Variants in CCDC192 observed in about 807,000 individuals in gnomAD.
The protein encoded by CCDC192 is coiled-coil domain containing 192, also known as coiled-coil domain-containing protein 192.
chr5:127,797,829 C>T (rs113850077), intron 4 of CCDC192, among the ~76,000 whole-genome samples: 3,123 of 144,158 alleles, frequency 0.022, 122 homozygotes, highest in African/African-American at 0.076. Context: ...GATATAGGGG[C>T]ATTTGCATTA....
intron 4 of CCDC192, among the ~76,000 whole-genome samples, chr5:127,797,845 A>G (rs533448595): frequency 4.0e-5 from 6 of 149,364 alleles, no homozygotes; most frequent in African/African-American, 1.2e-4. Context: ...CATTAACCGT[A>G]GCACATCAAG....
At chr5:127,738,085 T>A (rs1027696245) in intron 2 of CCDC192, among the ~76,000 whole-genome samples, 1 of 152,112 alleles carries the variant, frequency 6.6e-6, no homozygotes, top group Non-Finnish European at 1.5e-5. Context: ...TTCCTTTCCA[T>A]GTTTAGTGCT....
At position 127,912,419 on chromosome 5, in the gene CCDC192, CAAAA is replaced by C. The variant is rs60854127; in HGVS notation, c.536-28745_536-28742del. Among the ~76,000 whole-genome samples, 75 of 81,450 alleles carry C rather than the reference CAAAA, an allele frequency of 9.2e-4. 1 individual carries two copies. The highest frequency in any genetic ancestry group is 3.6e-3 in the African/African-American group (71 of 19,812). 53.4% of individuals were successfully genotyped at this position (81,450 alleles called of 152,430 possible). ...AGTGAGAATAGATTCCTGGGTTTAG[CAAAA>C]AAAAAAAAAAAAAAAAATGAAGCTG... is the stretch of plus-strand genomic sequence containing the variant. On this transcript the variant is annotated intron_variant, in intron 6 of 6. Coordinates refer to ENST00000514853, the MANE Select transcript of CCDC192 (RefSeq NM_001317938.2).
intron 6 of CCDC192, among the ~76,000 whole-genome samples, chr5:127,933,701 A>G (rs992866695): frequency 2.6e-5 from 4 of 152,154 alleles, no homozygotes; most frequent in African/African-American, 9.7e-5. Flanking sequence ...CAAAATATGT[A>G]TGTTGACATC....
chr5:127,818,023 A>G lies in CCDC192; in HGVS notation c.411+19861A>G, dbSNP rs185323706. ...AGAAAATATCCGTAAAAATAGTACA[A>G]ATTACTATCAGAAGAGTCTTCAGAA... On this transcript the variant is annotated intron_variant, in intron 5 of 6. Coordinates refer to ENST00000514853, the MANE Select transcript of CCDC192 (RefSeq NM_001317938.2). 5.9e-5 allele frequency among the ~76,000 whole-genome samples: 9 copies of G among 152,318 alleles called. No homozygotes were observed. In the East Asian group the frequency reaches 1.7e-3, roughly 29 times the overall value.
chr5:127,815,507 A>G (rs777118238), intron 5 of CCDC192, among the ~76,000 whole-genome samples: 1 of 152,156 alleles, frequency 6.6e-6, no homozygotes, highest in Non-Finnish European at 1.5e-5. Flanking sequence ...ATCTACCTTC[A>G]GCTTCACAGA....
At chr5:127,767,431 C>T (rs574857601) in intron 3 of CCDC192, among the ~76,000 whole-genome samples, 7 of 152,268 alleles carry the variant, frequency 4.6e-5, no homozygotes, top group East Asian at 1.9e-4. Context: ...ATTTTTTGTA[C>T]ACTTGGATTT....
intron 2 of CCDC192, among the ~76,000 whole-genome samples, chr5:127,734,612 A>T (rs13185671): frequency 0.4 from 48,695 of 122,138 alleles, 9,505 homozygotes; most frequent in Middle Eastern, 0.55. Context: ...TTTTAATGAT[A>T]GCCATTCTAA....
At chr5:127,770,573 G>T (rs1290670645) in intron 3 of CCDC192, among the ~76,000 whole-genome samples, 1 of 152,146 alleles carries the variant, frequency 6.6e-6, no homozygotes, top group East Asian at 1.9e-4. Flanking sequence ...ATTTCCCCTT[G>T]CTCCTGATTG....
chr5:127,868,622 G>A (rs245180), intron 5 of CCDC192, among the ~76,000 whole-genome samples: 100,806 of 152,018 alleles, frequency 0.66, 33,515 homozygotes, highest in Non-Finnish European at 0.69. Flanking sequence ...GATGGCTAAT[G>A]CCTGTAATCC....
At chr5:127,905,885 G>T (rs1580813819) in intron 6 of CCDC192, among the ~76,000 whole-genome samples, 1 of 152,192 alleles carries the variant, frequency 6.6e-6, no homozygotes, top group African/African-American at 2.4e-5. Flanking sequence ...TTTATGCCAG[G>T]TAGCCAATAG....
intron 5 of CCDC192, among the ~76,000 whole-genome samples, chr5:127,811,253 T>C (rs760459452): frequency 1.3e-5 from 2 of 152,182 alleles, no homozygotes; most frequent in African/African-American, 4.8e-5. Context: ...CCCTCCCTTG[T>C]TGGGGCATTT....
At chr5:127,873,878 C>A (rs1187949242) in intron 5 of CCDC192, among the ~76,000 whole-genome samples, 2 of 152,118 alleles carry the variant, frequency 1.3e-5, no homozygotes, top group Non-Finnish European at 2.9e-5. Context: ...ATTAAAATGC[C>A]AACTTAATAA....
intron 2 of CCDC192, among the ~76,000 whole-genome samples, chr5:127,711,401 C>G (rs1293187288): frequency 2.6e-5 from 4 of 152,018 alleles, no homozygotes; most frequent in Non-Finnish European, 5.9e-5. Context: ...CAAATAATAG[C>G]CCACTATATA....
intron 2 of CCDC192, among the ~76,000 whole-genome samples, chr5:127,718,137 A>C (rs1195714501): frequency 6.6e-6 from 1 of 152,218 alleles, no homozygotes; most frequent in Non-Finnish European, 1.5e-5. Context: ...GATCCTTCAC[A>C]AACAACTGGG....
chr5:127,739,375 G>T (rs1461392437), intron 2 of CCDC192, among the ~76,000 whole-genome samples: 4 of 152,134 alleles, frequency 2.6e-5, no homozygotes, highest in Non-Finnish European at 5.9e-5. Flanking sequence ...GGTTACTGCT[G>T]TCTTTTTGTT....
At chr5:127,801,942 T>G (rs1757527838) in intron 5 of CCDC192, among the ~76,000 whole-genome samples, 1 of 152,128 alleles carries the variant, frequency 6.6e-6, no homozygotes, top group African/African-American at 2.4e-5. Context: ...CTTATTTGGG[T>G]GTGGTTGGAT....
chr5:127,801,806 G>A (rs546582194), intron 5 of CCDC192, among the ~76,000 whole-genome samples: 6 of 152,280 alleles, frequency 3.9e-5, no homozygotes, highest in African/African-American at 1.4e-4. Flanking sequence ...CCTGAATTGG[G>A]TAGAAATCAG....
At chr5:127,741,264 T>A (rs1753401385) in intron 2 of CCDC192, among the ~76,000 whole-genome samples, 1 of 152,088 alleles carries the variant, frequency 6.6e-6, no homozygotes, top group Admixed American at 6.6e-5. Context: ...GGTCTCACCA[T>A]GTTGCACAGG....
Sources: gnomAD v4.1 joint callset for allele counts (sites outside exome capture counted in the v4.1 genomes callset) on GRCh38, gnomAD v4.1.1 for gene constraint, MANE v1.5 for transcripts, NCBI Gene and HGNC (gene_info 2026-07-23, HGNC 2026-07-21) for gene names.